Variants in ANKFN1 observed in about 807,000 individuals in gnomAD.
The protein encoded by ANKFN1 is ankyrin repeat and fibronectin type-III domain-containing protein 1.
ANKFN1 carries 74 observed loss-of-function variants against 108.7 expected under a neutral mutation model. The ratio of observed to expected loss-of-function variants is 0.68; its 90% CI spans 0.56 to 0.83. The LOEUF is 0.83. Among genes scored for constraint, ANKFN1 ranks in the 40% least tolerant of loss-of-function variants. The pLI is 0.00. For missense variants in ANKFN1, 1,505 were observed against 1,382.3 expected, an observed-to-expected ratio of 1.09 and a Z score of -1.41; for synonymous variants, 547 against 516.2, an observed-to-expected ratio of 1.06 and a Z score of -0.81.
chr17:56,382,509 C>G (rs9907926), intron 8 of ANKFN1, among the ~76,000 whole-genome samples: 87,809 of 151,464 alleles, frequency 0.58, 28,621 homozygotes, highest in East Asian at 0.96. Flanking sequence ...TGGACTAAAT[C>G]CTCCAATTAA....
chr17:56,294,739 TAACTC>T (rs1317068096), intron 3 of ANKFN1, among the ~76,000 whole-genome samples: 2 of 152,220 alleles, frequency 1.3e-5, no homozygotes, highest in East Asian at 1.9e-4. Flanking sequence ...TTCTGCCACA[TAACTC>T]AACCCATTAA....
chr17:56,328,589 A>G (rs912976098), intron 4 of ANKFN1, among the ~76,000 whole-genome samples: 3 of 152,196 alleles, frequency 2.0e-5, no homozygotes, highest in Admixed American at 1.3e-4. Context: ...AACTTCACTT[A>G]TAATTATTAT....
Position 56,515,275 on chromosome 17 carries a change from A to G in ANKFN1, c.*4006A>G, listed in dbSNP as rs576633385. Among the ~76,000 whole-genome samples, 14 of 152,318 alleles carry G rather than the reference A, an allele frequency of 9.2e-5. No individual in the cohort carries two copies. In the East Asian group the frequency reaches 2.7e-3, roughly 29 times the overall value. ...TCTTGGTATATGTGCTTATTAAGCT[A>G]TCACATACCAATTAGAGAAGGTAGC... is the stretch of plus-strand genomic sequence containing the variant. On this transcript the variant is annotated 3_prime_UTR_variant, in exon 21 of 21. Transcript: ENST00000682825.
At chr17:56,405,566 A>G (rs2047896472) in intron 8 of ANKFN1, among the ~76,000 whole-genome samples, 1 of 152,244 alleles carries the variant, frequency 6.6e-6, no homozygotes, top group Non-Finnish European at 1.5e-5. Flanking sequence ...CTAGATATAT[A>G]TAAAATAACA....
intron 17 of ANKFN1, among the ~76,000 whole-genome samples, 168 bp downstream of exon 17, chr17:56,480,986 G>A (rs2050679157): frequency 6.8e-6 from 1 of 146,926 alleles, no homozygotes; most frequent in Non-Finnish European, 1.5e-5. Context: ...ATGCCCACAG[G>A]TAGACACAGC....
intron 3 of ANKFN1, among the ~76,000 whole-genome samples, chr17:56,308,246 AAAAG>A (rs1162337022): frequency 1.3e-5 from 2 of 152,166 alleles, no homozygotes; most frequent in Non-Finnish European, 2.9e-5. Flanking sequence ...ATAAAAAAAA[AAAAG>A]AAGTTAAAGC....
At chr17:56,426,648 G>T (rs2048578829) in intron 8 of ANKFN1, among the ~76,000 whole-genome samples, 1 of 152,180 alleles carries the variant, frequency 6.6e-6, no homozygotes, top group Non-Finnish European at 1.5e-5. Context: ...AAGTAACTAG[G>T]TCCTTCAAAT....
At chr17:56,499,867 C>T (rs2051312699) in intron 20 of ANKFN1, among the ~76,000 whole-genome samples, 1 of 152,122 alleles carries the variant, frequency 6.6e-6, no homozygotes, top group South Asian at 2.1e-4. Context: ...ATTTTCTAGT[C>T]AATTAAAGTA....
intron 4 of ANKFN1, among the ~76,000 whole-genome samples, chr17:56,143,852 A>T (rs866230851): frequency 2.6e-5 from 4 of 152,290 alleles, no homozygotes; most frequent in South Asian, 2.1e-4. Flanking sequence ...ACCAGAAGCC[A>T]GGAGAGAGGC....
chr17:56,360,373 G>T (rs1940256127), intron 6 of ANKFN1, among the ~76,000 whole-genome samples: 1 of 152,138 alleles, frequency 6.6e-6, no homozygotes, highest in Non-Finnish European at 1.5e-5. Context: ...CAGCTTAAAT[G>T]TGACATCTTC....
At chr17:56,334,331 G>T (rs529150758) in intron 4 of ANKFN1, among the ~76,000 whole-genome samples, 2 of 151,696 alleles carry the variant, frequency 1.3e-5, no homozygotes, top group Admixed American at 6.6e-5. Context: ...TTTTAATCAG[G>T]GGAGGGGGGA....
intron 10 of ANKFN1, among the ~76,000 whole-genome samples, chr17:56,446,966 T>TA (rs2049317122): frequency 6.6e-6 from 1 of 152,092 alleles, no homozygotes; most frequent in East Asian, 1.9e-4. Flanking sequence ...CTCATGCCTG[T>TA]AGTCCTAGCA....
At chr17:56,181,087 G>A (rs989559943) in intron 1 of ANKFN1, among the ~76,000 whole-genome samples, 3 of 152,176 alleles carry the variant, frequency 2.0e-5, no homozygotes, top group African/African-American at 7.2e-5. Context: ...GAGTCCAGTT[G>A]GCTGTTTGAG....
chr17:56,477,745 T>C (rs2050555224), intron 16 of ANKFN1, 91 bp downstream of exon 16: 3 of 1,437,478 alleles, frequency 2.1e-6, no homozygotes, highest in Admixed American at 2.0e-5. Flanking sequence ...AAGTGTTACT[T>C]CCAGGGCAGT....
rs1355346286 is a variant in ANKFN1 at position 56,055,566 on chromosome 17, C to CATATATATATATATATATATAT, written c.288+9242_288+9263dup. On this transcript the variant is annotated intron_variant, in intron 4 of 12. Transcript: ENST00000635860. ...TATATGTGTGTGTGTGGTATATATACATATATATATATATATATATATGTA... is the reference window on the plus strand; with the variant it reads ...TATATGTGTGTGTGTGGTATATATACATATATATATATATATATATATATATATATATATATATATATATGTA... Among the ~76,000 whole-genome samples, 250 of 47,368 alleles carry CATATATATATATATATATATAT rather than the reference C, an allele frequency of 5.3e-3. 23 individuals are homozygous for CATATATATATATATATATATAT. The highest frequency in any genetic ancestry group is 0.019 in the Middle Eastern group (1 of 52). The allele number at this position is 47,368 out of a possible 152,430, so 31.1% of individuals were successfully genotyped here.
At chr17:56,379,783 C>T (rs1040966800) in intron 8 of ANKFN1, among the ~76,000 whole-genome samples, 1 of 152,142 alleles carries the variant, frequency 6.6e-6, no homozygotes, top group Admixed American at 6.6e-5. Flanking sequence ...ATATGTATCT[C>T]TCTTTTATCT....
intron 3 of ANKFN1, among the ~76,000 whole-genome samples, chr17:56,278,636 C>T (rs1182931329): frequency 2.0e-5 from 3 of 152,220 alleles, no homozygotes; most frequent in Non-Finnish European, 4.4e-5. Flanking sequence ...TCTTGCCCAT[C>T]ACCAGTATTT....
chr17:56,256,221 C>T (rs1391079848), intron 3 of ANKFN1, among the ~76,000 whole-genome samples: 2 of 152,144 alleles, frequency 1.3e-5, no homozygotes, highest in Non-Finnish European at 2.9e-5. Context: ...AAACTCAAGT[C>T]AAGCCATTTT....
intron 20 of ANKFN1, among the ~76,000 whole-genome samples, chr17:56,503,231 G>T (rs1269800857): frequency 6.6e-6 from 1 of 151,800 alleles, no homozygotes; most frequent in Non-Finnish European, 1.5e-5. Context: ...GCATTTGAAG[G>T]TTATCCTGAT....
Sources: gnomAD v4.1 joint callset for allele counts (sites outside exome capture counted in the v4.1 genomes callset) on GRCh38, gnomAD v4.1.1 for gene constraint, MANE v1.5 for transcripts, NCBI Gene and HGNC (gene_info 2026-07-23, HGNC 2026-07-21) for gene names.